Variants in DST observed in about 807,000 individuals in gnomAD.
The protein encoded by DST is dystonin.
DST carries 253 observed loss-of-function variants against 875.2 expected under a neutral mutation model. The ratio of observed to expected loss-of-function variants is 0.29; its 90% CI spans 0.26 to 0.32. The LOEUF (loss-of-function observed/expected upper bound fraction) is 0.32. Among genes scored for constraint, DST ranks in the 10% least tolerant of loss-of-function variants. The pLI is 1.00. For synonymous variants in DST, 3,124 were observed against 3,197.1 expected, an observed-to-expected ratio of 0.98 and a Z score of 0.77; for missense variants, 8,287 against 9,111.6, an observed-to-expected ratio of 0.91 and a Z score of 3.68.
intron 4 of DST, among the ~76,000 whole-genome samples, chr6:56,781,586 T>C (rs941383644): frequency 1.2e-4 from 18 of 152,224 alleles, no homozygotes; most frequent in Admixed American, 2.0e-4. Flanking sequence ...TCCTGAGACT[T>C]TGCTGAAGTT....
chr6:56,529,610 G>A lies in DST; in HGVS notation c.17433C>T (p.Ser5811=), dbSNP rs758132857. ...WYIEIQEKSH[S]RSELLQQALC... ...AGGCCTGCTGGAGGAGCTCAGACCT[G>A]CTGTGACTTTTCTCTTGAATCTCAA... is the stretch of plus-strand genomic sequence containing the variant. Residue 5811 remains serine (S), a synonymous_variant, in exon 66 of 104, where the codon AGC becomes AGT. Transcript: ENST00000680361. The A allele has an allele frequency of 1.9e-6, 3 of 1,613,764 alleles. No homozygotes were observed. In the South Asian group the frequency reaches 3.3e-5, roughly 18 times the overall value.
chr6:56,874,917 CA>C (rs1778966179), intron 3 of DST, among the ~76,000 whole-genome samples: 1 of 152,216 alleles, frequency 6.6e-6, no homozygotes, highest in Non-Finnish European at 1.5e-5. Flanking sequence ...CAATCGCACA[CA>C]AACACATAAC....
At chr6:56,869,787 C>T (rs1276462075) in intron 3 of DST, among the ~76,000 whole-genome samples, 7 of 152,078 alleles carry the variant, frequency 4.6e-5, no homozygotes, top group Admixed American at 2.0e-4. Flanking sequence ...CAGGCTGAAA[C>T]GAGCCTCCCA....
intron 2 of DST, among the ~76,000 whole-genome samples, chr6:56,925,590 C>T (rs1014105133): frequency 6.6e-6 from 1 of 152,074 alleles, no homozygotes; most frequent in East Asian, 1.9e-4. Flanking sequence ...TAAAGCAGTT[C>T]CAAAGAATTC....
Position 56,532,390 on chromosome 6 carries a change from G to C in DST, c.17062C>G (p.Leu5688Val), listed in dbSNP as rs768554538. Residue 5688 changes from leucine (L) to valine (V), a missense_variant, in exon 64 of 104, where the codon CTC (leucine) becomes GTC (valine). Coordinates refer to ENST00000680361, the MANE Select transcript of DST (RefSeq NM_001374736.1). ...DKVKILKQLS[L>V]LDSRWEALLN... Reference sequence around the variant, plus strand: ...AATGCCTCCCATCTGCTATCCAAGAGACTGAGCTGTTTCAAAATCTTCACT... The same window carrying C: ...AATGCCTCCCATCTGCTATCCAAGACACTGAGCTGTTTCAAAATCTTCACT... The C allele has an allele frequency of 6.8e-6, 11 of 1,613,570 alleles. No individual in the cohort carries two copies. The highest frequency in any genetic ancestry group is 1.7e-6 in the Non-Finnish European group (2 of 1,179,706).
chr6:56,925,178 C>T (rs1475070160), intron 2 of DST, among the ~76,000 whole-genome samples: 3 of 152,084 alleles, frequency 2.0e-5, no homozygotes, highest in Non-Finnish European at 4.4e-5. Context: ...CAGGACATTC[C>T]ATCTCATGCC....
intron 4 of DST, among the ~76,000 whole-genome samples, chr6:56,756,786 A>G (rs914222817): frequency 3.3e-5 from 5 of 152,204 alleles, no homozygotes; most frequent in African/African-American, 1.2e-4. Flanking sequence ...AGAAGGTGAA[A>G]CTCATAAAGA....
At chr6:56,915,763 G>A (rs1800624574) in intron 2 of DST, among the ~76,000 whole-genome samples, 1 of 152,144 alleles carries the variant, frequency 6.6e-6, no homozygotes, top group African/African-American at 2.4e-5. Flanking sequence ...CAAGACACAA[G>A]AGAGGACAAG....
chr6:56,682,184 T>G (rs1392875641), intron 9 of DST, among the ~76,000 whole-genome samples: 1 of 152,188 alleles, frequency 6.6e-6, no homozygotes, highest in East Asian at 1.9e-4. Context: ...TTCGTATGTT[T>G]GTTTTTGAGA....
intron 3 of DST, among the ~76,000 whole-genome samples, chr6:56,882,821 T>C (rs1782841077): frequency 6.6e-6 from 1 of 152,222 alleles, no homozygotes; most frequent in Non-Finnish European, 1.5e-5. Context: ...CAGCTATCGT[T>C]TAAATTTCAG....
chr6:56,933,322 A>AT (rs1291956557), intron 2 of DST, among the ~76,000 whole-genome samples: 1 of 152,188 alleles, frequency 6.6e-6, no homozygotes, highest in African/African-American at 2.4e-5. Flanking sequence ...TTGATTTATG[A>AT]TTTTGTCTGT....
intron 9 of DST, among the ~76,000 whole-genome samples, chr6:56,695,217 G>A (rs2099257042): frequency 6.6e-6 from 1 of 150,502 alleles, no homozygotes; most frequent in East Asian, 1.9e-4. Context: ...CTTACCATGT[G>A]ACAATCCTGC....
intron 36 of DST, chr6:56,624,328 T>C (rs2098714987): frequency 1.5e-6 from 1 of 661,346 alleles, no homozygotes; most frequent in African/African-American, 1.8e-5. Flanking sequence ...GACTTTCTAT[T>C]TGAATGAATC....
At chr6:56,901,505 G>A (rs1794075493) in intron 2 of DST, among the ~76,000 whole-genome samples, 1 of 152,204 alleles carries the variant, frequency 6.6e-6, no homozygotes, top group Non-Finnish European at 1.5e-5. Context: ...TGAGGCAGGA[G>A]AACTGCTTGA....
At chr6:56,508,282 C>T (rs1218129911) in intron 75 of DST, among the ~76,000 whole-genome samples, 5 of 152,158 alleles carry the variant, frequency 3.3e-5, no homozygotes, top group African/African-American at 7.2e-5. Flanking sequence ...GATCCGCCCA[C>T]CTCGGCCTCC....
intron 3 of DST, among the ~76,000 whole-genome samples, chr6:56,859,053 T>C (rs1769561515): frequency 6.6e-6 from 1 of 152,162 alleles, no homozygotes; most frequent in Admixed American, 6.6e-5. Context: ...AAGATTACCA[T>C]ATATTTGGGG....
intron 81 of DST, 130 bp from the exon 82 acceptor site, chr6:56,497,637 T>A (rs1304413846): frequency 1.6e-6 from 2 of 1,215,322 alleles, no homozygotes; most frequent in Non-Finnish European, 2.3e-6. Flanking sequence ...ACCATTAGAT[T>A]TGCCTTTCTT....
chr6:56,805,476 C>T (rs1561927943), intron 4 of DST, among the ~76,000 whole-genome samples: 1 of 151,912 alleles, frequency 6.6e-6, no homozygotes, highest in African/African-American at 2.4e-5. Context: ...AACAGATTCA[C>T]ATTAAAAACA....
At chr6:56,700,842 C>T (rs993889672) in intron 8 of DST, among the ~76,000 whole-genome samples, 1 of 152,028 alleles carries the variant, frequency 6.6e-6, no homozygotes, top group African/African-American at 2.4e-5. Flanking sequence ...ACAACAATAA[C>T]ATTTAAAATA....
Sources: allele counts gnomAD v4.1 joint callset (sites outside exome capture counted in the v4.1 genomes callset), GRCh38; gene constraint gnomAD v4.1.1; transcripts MANE v1.5; gene names NCBI Gene and HGNC (gene_info 2026-07-23, HGNC 2026-07-21).